Variants in TNKS observed in about 807,000 individuals in gnomAD.
TNKS encodes tankyrase, also known as poly [ADP-ribose] polymerase tankyrase-1.
In TNKS, 72 loss-of-function variants were observed where a neutral mutation model predicts 135.8. The observed-to-expected ratio is 0.53, with a 90% confidence interval of 0.44 to 0.64. The LOEUF is 0.64. TNKS is among the 30% of genes least tolerant of loss of function. The pLI is 0.00. For synonymous variants in TNKS, 849 were observed against 649.3 expected, an observed-to-expected ratio of 1.31 and a Z score of -4.68; for missense variants, 1,769 against 1,674.0, an observed-to-expected ratio of 1.06 and a Z score of -0.99.
intron 5 of TNKS, among the ~76,000 whole-genome samples, chr8:9,698,716 T>A (rs1434446408): frequency 6.6e-6 from 1 of 152,228 alleles, no homozygotes; most frequent in Non-Finnish European, 1.5e-5. Context: ...GCTTATCAGT[T>A]GTCACTATTT....
chr8:9,691,480 C>G (rs1189267287), intron 5 of TNKS, among the ~76,000 whole-genome samples: 1 of 152,114 alleles, frequency 6.6e-6, no homozygotes, highest in African/African-American at 2.4e-5. Context: ...CTATATTAGT[C>G]CATTTCTGAA....
At chr8:9,714,563 T>C (rs888992382) in intron 11 of TNKS, among the ~76,000 whole-genome samples, 2 of 152,166 alleles carry the variant, frequency 1.3e-5, no homozygotes, top group African/African-American at 4.8e-5. Flanking sequence ...GCATGCAAAA[T>C]AATCAAGACT....
intron 3 of TNKS, among the ~76,000 whole-genome samples, chr8:9,660,096 TAGCTTACCAACCAA>T (rs1235923895): frequency 6.6e-6 from 1 of 152,152 alleles, no homozygotes; most frequent in Non-Finnish European, 1.5e-5. Context: ...CAATAATTAA[TAGCTTACCAACCAA>T]AAAAAGTCCA....
chr8:9,711,916 GCCTT>G (rs896635738), intron 11 of TNKS, among the ~76,000 whole-genome samples: 1 of 152,076 alleles, frequency 6.6e-6, no homozygotes, highest in Non-Finnish European at 1.5e-5. Context: ...CTGTTCAAAA[GCCTT>G]CCTTAATTTG....
chr8:9,600,465 C>T (rs1016341152), intron 2 of TNKS, among the ~76,000 whole-genome samples: 1 of 151,974 alleles, frequency 6.6e-6, no homozygotes, highest in Non-Finnish European at 1.5e-5. Flanking sequence ...AGGTGCACAC[C>T]ATCATGCTTA....
intron 17 of TNKS, chr8:9,743,542 TA>T (rs963842584): frequency 6.6e-6 from 1 of 152,168 alleles, no homozygotes; most frequent in African/African-American, 2.4e-5. Flanking sequence ...GAAATTGCAT[TA>T]ACTAATGTAA....
At chr8:9,643,166 C>A (rs2128777434) in intron 3 of TNKS, among the ~76,000 whole-genome samples, 1 of 146,530 alleles carries the variant, frequency 6.8e-6, no homozygotes, top group African/African-American at 2.5e-5. Context: ...AGAACTTCGG[C>A]AGTGCCACCT....
intron 12 of TNKS, among the ~76,000 whole-genome samples, chr8:9,723,516 G>T (rs573646515): frequency 1.3e-5 from 2 of 152,242 alleles, no homozygotes; most frequent in African/African-American, 4.8e-5. Context: ...TAAACTGCTG[G>T]CAATATTTGT....
At chr8:9,772,281 A>G in intron 26 of TNKS, 1 of 428,848 alleles carries the variant, frequency 2.3e-6, no homozygotes, top group South Asian at 1.7e-5. Flanking sequence ...GAGTAATTAT[A>G]TATTGGAGAA....
In TNKS at chr8:9,655,694, A is replaced by C. The variant is rs889575336; in HGVS notation, c.995-24257A>C. ...TGCAGCTGAGGGTCCTGACTGTTAGAAGGAAAACTAACAAACAGAAAGGAC... is the reference window on the plus strand; with the variant it reads ...TGCAGCTGAGGGTCCTGACTGTTAGCAGGAAAACTAACAAACAGAAAGGAC... On this transcript the variant is annotated intron_variant, in intron 3 of 26. Coordinates refer to ENST00000310430, the MANE Select transcript of TNKS (RefSeq NM_003747.3). Among the ~76,000 whole-genome samples, 4 of 152,208 alleles carry C rather than the reference A, an allele frequency of 2.6e-5. No individual in the cohort carries two copies. The East Asian group carries it at 7.7e-4, about 29-fold the overall frequency.
intron 3 of TNKS, among the ~76,000 whole-genome samples, chr8:9,648,406 T>A (rs1801000390): frequency 1.3e-5 from 2 of 152,178 alleles, no homozygotes; most frequent in Admixed American, 1.3e-4. Flanking sequence ...TAAAACTTTT[T>A]AAACTTTTTT....
At chr8:9,664,288 C>G (rs770156227) in intron 3 of TNKS, among the ~76,000 whole-genome samples, 1 of 152,080 alleles carries the variant, frequency 6.6e-6, no homozygotes, top group Non-Finnish European at 1.5e-5. Flanking sequence ...AGGGAGGAAG[C>G]AAAGTGATGG....
intron 2 of TNKS, among the ~76,000 whole-genome samples, chr8:9,586,895 G>A (rs1798402161): frequency 2.0e-5 from 3 of 152,104 alleles, no homozygotes; most frequent in South Asian, 4.2e-4. Flanking sequence ...GGTCTGCTGC[G>A]AAGAACAATG....
chr8:9,773,122 T>C (rs573174733), intron 26 of TNKS, among the ~76,000 whole-genome samples: 1 of 152,076 alleles, frequency 6.6e-6, no homozygotes, highest in African/African-American at 2.4e-5. Flanking sequence ...AAAGAAGCTT[T>C]TTTTTAACTT....
intron 2 of TNKS, among the ~76,000 whole-genome samples, 187 bp downstream of exon 2, chr8:9,580,570 A>G (rs1563400966): frequency 6.6e-6 from 1 of 152,232 alleles, no homozygotes; most frequent in Non-Finnish European, 1.5e-5. Flanking sequence ...GACTCACAAC[A>G]TTAACTTTCC....
chr8:9,583,255 C>G (rs1327091933), intron 2 of TNKS, among the ~76,000 whole-genome samples: 1 of 150,656 alleles, frequency 6.6e-6, no homozygotes, highest in Non-Finnish European at 1.5e-5. Context: ...GAAGAAAATT[C>G]AAACTGAGAT....
chr8:9,720,948 A>G (rs1258842298), intron 12 of TNKS, among the ~76,000 whole-genome samples: 1 of 152,142 alleles, frequency 6.6e-6, no homozygotes, highest in Non-Finnish European at 1.5e-5. Context: ...TCTTAACTTC[A>G]TTGCATTATT....
At chr8:9,612,767 A>G (rs1563116737) in intron 2 of TNKS, among the ~76,000 whole-genome samples, 1 of 152,200 alleles carries the variant, frequency 6.6e-6, no homozygotes, top group African/African-American at 2.4e-5. Flanking sequence ...CGTGCAGTTT[A>G]AAATTCGAAT....
At chr8:9,776,378 T>C (rs980570259) in intron 26 of TNKS, among the ~76,000 whole-genome samples, 2 of 152,220 alleles carry the variant, frequency 1.3e-5, no homozygotes, top group Non-Finnish European at 2.9e-5. Flanking sequence ...GTTTCCCTGC[T>C]TATGACACAT....
Sources: allele counts gnomAD v4.1 joint callset (sites outside exome capture counted in the v4.1 genomes callset), GRCh38; gene constraint gnomAD v4.1.1; transcripts MANE v1.5; gene names NCBI Gene and HGNC (gene_info 2026-07-23, HGNC 2026-07-21).